NRG1: variants seen among roughly 807,000 people sequenced by gnomAD.
NRG1 encodes the protein pro-neuregulin-1, membrane-bound isoform.
A neutral mutation model predicts 63.8 loss-of-function variants in NRG1; 18 were observed. The observed-to-expected ratio is 0.28, with a 90% CI of 0.19 to 0.42. The LOEUF (loss-of-function observed/expected upper bound fraction) is 0.42, where lower values mean the gene tolerates loss of function less well. Among genes scored for constraint, NRG1 ranks in the 10% least tolerant of loss-of-function variants. The pLI is 1.00. For missense variants in NRG1, 762 were observed against 814.7 expected (o/e 0.94, Z 0.79); for synonymous variants, 302 against 301.3 (o/e 1.00, Z -0.02).
chr8:32,626,445 C>T (rs1348757545), intron 5 of NRG1, among the ~76,000 whole-genome samples: 1 of 151,042 alleles, frequency 6.6e-6, no homozygotes, highest in Non-Finnish European at 1.5e-5. Flanking sequence ...CTCTGGGAGG[C>T]AGAGGCAGGT....
chr8:32,635,173 C>T (rs978067999), intron 5 of NRG1, among the ~76,000 whole-genome samples: 3 of 152,148 alleles, frequency 2.0e-5, no homozygotes, highest in Non-Finnish European at 2.9e-5. Flanking sequence ...AAAAGGAAAA[C>T]TATAAGATGG....
chr8:32,277,230 A>C (rs1852206119), intron 1 of NRG1, among the ~76,000 whole-genome samples: 1 of 152,242 alleles, frequency 6.6e-6, no homozygotes, highest in South Asian at 2.1e-4. Flanking sequence ...AAAATGACAC[A>C]ATAAACTAAA....
intron 1 of NRG1, among the ~76,000 whole-genome samples, chr8:31,794,839 A>G (rs547511346): frequency 5.3e-5 from 8 of 152,136 alleles, no homozygotes; most frequent in South Asian, 2.1e-4. Flanking sequence ...GTCCCACTCT[A>G]TCACCCAGGC....
intron 1 of NRG1, among the ~76,000 whole-genome samples, chr8:32,409,516 A>C (rs1042695387): frequency 6.6e-6 from 1 of 152,242 alleles, no homozygotes; most frequent in African/African-American, 2.4e-5. Flanking sequence ...CATCCAATGA[A>C]GGGCTGATAT....
intron 1 of NRG1, among the ~76,000 whole-genome samples, chr8:32,481,736 A>G (rs1288245997): frequency 6.6e-6 from 1 of 152,240 alleles, no homozygotes; most frequent in African/African-American, 2.4e-5. Flanking sequence ...TAATATATAG[A>G]TAGCATTCAT....
chr8:31,930,697 C>A lies in NRG1; in HGVS notation c.37+291266C>A, dbSNP rs186691653. On this transcript the variant is annotated intron_variant, in intron 1 of 10. Transcript: ENST00000519301. ...TTTTGAAGACAACTTGCTATGTAAC[C>A]TTTTATAATTCCCTGAATTTTTCTG... Among the ~76,000 whole-genome samples the A allele has an allele frequency of 1.8e-3, 273 of 152,168 alleles. 1 individual carries two copies. The highest frequency in any genetic ancestry group is 6.2e-3 in the African/African-American group (258 of 41,508).
At chr8:31,852,501 G>C (rs1827351541) in intron 1 of NRG1, among the ~76,000 whole-genome samples, 2 of 151,956 alleles carry the variant, frequency 1.3e-5, no homozygotes, top group South Asian at 4.1e-4. Flanking sequence ...TGTAGATTCT[G>C]GATATTAGCC....
intron 1 of NRG1, among the ~76,000 whole-genome samples, chr8:31,665,155 A>G (rs913392432): frequency 6.6e-6 from 1 of 152,200 alleles, no homozygotes; most frequent in Non-Finnish European, 1.5e-5. Flanking sequence ...CAGTGTGGAT[A>G]CAACACCCTG....
intron 1 of NRG1, among the ~76,000 whole-genome samples, chr8:32,107,695 G>T (rs1831457531): frequency 6.6e-6 from 1 of 152,106 alleles, no homozygotes; most frequent in African/African-American, 2.4e-5. Flanking sequence ...GCAGGTAACT[G>T]GTAAAATATG....
chr8:32,389,132 C>A (rs1811397365), intron 1 of NRG1, among the ~76,000 whole-genome samples: 1 of 152,164 alleles, frequency 6.6e-6, no homozygotes, highest in African/African-American at 2.4e-5. Context: ...ATCATTGCAA[C>A]CTTGACTGTC....
At chr8:32,675,945 AAATGAC>A (rs2128905402) in intron 5 of NRG1, among the ~76,000 whole-genome samples, 1 of 152,356 alleles carries the variant, frequency 6.6e-6, no homozygotes, top group Non-Finnish European at 1.5e-5. Flanking sequence ...TTCTCAATTC[AAATGAC>A]CACAAATTGA....
intron 1 of NRG1, among the ~76,000 whole-genome samples, chr8:32,289,009 CT>C (rs1853876002): frequency 1.3e-5 from 2 of 152,164 alleles, no homozygotes; most frequent in African/African-American, 4.8e-5. Flanking sequence ...ACTGCACTTG[CT>C]GGCATGGTTC....
rs76801586 is a variant in NRG1 at position 31,933,002 on chromosome 8, A to G, written c.37+293571A>G. 5.0e-3 allele frequency among the ~76,000 whole-genome samples: 766 copies of G among 152,336 alleles called. 7 individuals carry two copies. The highest frequency in any genetic ancestry group is 0.018 in the African/African-American group (741 of 41,580). On this transcript the variant is annotated intron_variant, in intron 1 of 10. Transcript: ENST00000519301. ...TGTTTTTCTTTTACTCAAAGAATTTACAAAATCATTTTGTGGTTTGAAAAG... is the reference window on the plus strand; with the variant it reads ...TGTTTTTCTTTTACTCAAAGAATTTGCAAAATCATTTTGTGGTTTGAAAAG...
intron 1 of NRG1, among the ~76,000 whole-genome samples, chr8:32,412,439 T>TAC (rs1815177854): frequency 1.3e-4 from 6 of 45,508 alleles, no homozygotes; most frequent in Non-Finnish European, 3.2e-4. Context: ...TATATATATA[T>TAC]ATATATATAT....
At chr8:31,880,147 A>G (rs1830238368) in intron 1 of NRG1, among the ~76,000 whole-genome samples, 1 of 152,234 alleles carries the variant, frequency 6.6e-6, no homozygotes, top group Non-Finnish European at 1.5e-5. Flanking sequence ...GGCTAAAAGC[A>G]GAACTACCGT....
chr8:31,981,627 A>T (rs1809118288), intron 1 of NRG1, among the ~76,000 whole-genome samples: 1 of 151,878 alleles, frequency 6.6e-6, no homozygotes, highest in African/African-American at 2.4e-5. Context: ...CTGTTTCTTG[A>T]TTTGGTCTTC....
chr8:31,716,402 T>C (rs1056689583), intron 1 of NRG1, among the ~76,000 whole-genome samples: 1 of 152,248 alleles, frequency 6.6e-6, no homozygotes, highest in African/African-American at 2.4e-5. Flanking sequence ...CAAAATATGC[T>C]TATTTTCCTT....
chr8:32,742,109 C>T lies in NRG1; in HGVS notation c.633-566C>T. ...AAATAATCTGAAATTTGCTTTCTCC[C>T]CCAACTACAGCAACAATCACTACCA... On this transcript the variant is annotated intron_variant, in intron 6 of 11. Coordinates refer to ENST00000356819, the Ensembl canonical transcript of NRG1. This position sits in a 1 kb window ranked among gnomAD's most constrained non-coding sequence, Gnocchi z 4.2. 6.5e-7 allele frequency: 1 copy of T among 1,545,814 alleles called. No individual in the cohort carries two copies. Among genetic ancestry groups the T allele is most frequent in the Non-Finnish European group, 8.9e-7 (1 of 1,118,428 alleles).
chr8:32,613,340 A>G (rs1281679596), intron 3 of NRG1, among the ~76,000 whole-genome samples: 1 of 152,032 alleles, frequency 6.6e-6, no homozygotes, highest in African/African-American at 2.4e-5. Context: ...TGAGTCTCAC[A>G]TGACTTTGTT....
Sources: allele counts gnomAD v4.1 joint callset (sites outside exome capture counted in the v4.1 genomes callset), GRCh38; gene constraint gnomAD v4.1.1; non-coding constraint Gnocchi (gnomAD v3.1); transcripts MANE v1.5; gene names NCBI Gene and HGNC (gene_info 2026-07-23, HGNC 2026-07-21).